LMBR1: variants seen among roughly 807,000 people sequenced by gnomAD.
The protein encoded by LMBR1 is limb region 1 protein homolog.
LMBR1 carries 52 observed loss-of-function variants against 73.9 expected under a neutral mutation model. The observed-to-expected ratio is 0.70, with a 90% CI of 0.56 to 0.89. The LOEUF (loss-of-function observed/expected upper bound fraction) is 0.89, where lower values mean the gene tolerates loss of function less well. LMBR1 is among the 40% of genes least tolerant of loss of function. The probability of loss-of-function intolerance (pLI) is 0.00; values close to 1 mark genes in which losing one functional copy is unlikely to be tolerated. For missense variants in LMBR1, 539 were observed against 579.8 expected, an observed-to-expected ratio of 0.93 and a Z score of 0.72; for synonymous variants, 215 against 209.4, an observed-to-expected ratio of 1.03 and a Z score of -0.23.
At position 156,680,136 on chromosome 7, in the gene LMBR1, A is replaced by T. The variant is rs1230311125; in HGVS notation, c.*3942T>A. 1 of 148,812 alleles carries T rather than the reference A, an allele frequency of 6.7e-6. No homozygotes were observed. Among genetic ancestry groups the T allele is most frequent in the Non-Finnish European group, 1.5e-5 (1 of 67,630 alleles). 9.2% of individuals were successfully genotyped at this position (148,812 alleles called of 1,614,324 possible). A position where few individuals can be genotyped will look rare whatever the true frequency, so the allele number is the denominator to read the frequency against. ...TGCAGCAATAATTTTTACCTAAACA[A>T]TATTCAAAAACCAAAAAAAAAAAAA... On this transcript the variant is annotated 3_prime_UTR_variant, in exon 17 of 17. Coordinates refer to ENST00000353442, the MANE Select transcript of LMBR1 (RefSeq NM_022458.4).
chr7:156,822,521 T>C (rs2133771916), intron 4 of LMBR1: 1 of 152,172 alleles, frequency 6.6e-6, no homozygotes, highest in South Asian at 2.1e-4. Context: ...AAAAAATCAG[T>C]ACAGAAAAGA....
intron 5 of LMBR1, among the ~76,000 whole-genome samples, chr7:156,764,555 A>G (rs958373265): frequency 6.6e-5 from 10 of 152,228 alleles, no homozygotes; most frequent in African/African-American, 2.2e-4. Context: ...ATCTGCACCT[A>G]TAAGTTAAAG....
At chr7:156,746,667 T>C (rs1389183179) in intron 9 of LMBR1, among the ~76,000 whole-genome samples, 1 of 152,156 alleles carries the variant, frequency 6.6e-6, no homozygotes, top group Non-Finnish European at 1.5e-5. Context: ...TCATCTGAGA[T>C]GACACATTAT....
chr7:156,788,840 G>C (rs1828651997), intron 5 of LMBR1, among the ~76,000 whole-genome samples: 1 of 152,142 alleles, frequency 6.6e-6, no homozygotes, highest in Non-Finnish European at 1.5e-5. Flanking sequence ...CTGAGGTCAG[G>C]AGTTCAAGGG....
rs1202292674 is a variant in LMBR1 at position 156,893,170 on chromosome 7, G to A, written c.-177C>T. ...GGCCGTCGCCTCAGCAGCCTCAGAC[G>A]AGCAGCTCTGACTAAGGGAGGGCGG... On this transcript the variant is annotated 5_prime_UTR_variant, in exon 1 of 17. Transcript: ENST00000353442. 6 of 490,112 alleles carry A rather than the reference G, an allele frequency of 1.2e-5. No individual in the cohort carries two copies. The highest frequency in any genetic ancestry group is 4.0e-5 in the East Asian group (1 of 24,750). 30.4% of individuals were successfully genotyped at this position (490,112 alleles called of 1,614,324 possible). A position where few individuals can be genotyped will look rare whatever the true frequency, so the allele number is the denominator to read the frequency against.
chr7:156,812,875 G>A (rs548788712), intron 4 of LMBR1, among the ~76,000 whole-genome samples: 1 of 152,218 alleles, frequency 6.6e-6, no homozygotes, highest in Non-Finnish European at 1.5e-5. Flanking sequence ...CCAGAACACT[G>A]CTCAGCTCCA....
At chr7:156,712,650 G>C (rs562352248) in intron 15 of LMBR1, among the ~76,000 whole-genome samples, 77 of 152,136 alleles carry the variant, frequency 5.1e-4, no homozygotes, top group Non-Finnish European at 9.4e-4. Context: ...AAGAAAATGT[G>C]GTATAAAAAC....
chr7:156,786,851 A>G (rs1161281130), intron 5 of LMBR1, among the ~76,000 whole-genome samples: 1 of 152,180 alleles, frequency 6.6e-6, no homozygotes, highest in Non-Finnish European at 1.5e-5. Context: ...ACTTTCTAAA[A>G]CCAGCCTTAA....
chr7:156,733,708 A>G (rs1467040593), intron 10 of LMBR1, among the ~76,000 whole-genome samples: 1 of 152,182 alleles, frequency 6.6e-6, no homozygotes, highest in Non-Finnish European at 1.5e-5. Flanking sequence ...AGGGGAAAAG[A>G]AAAAATATTT....
intron 5 of LMBR1, among the ~76,000 whole-genome samples, chr7:156,764,689 AAT>A (rs1311481720): frequency 2.0e-5 from 3 of 152,242 alleles, no homozygotes; most frequent in Non-Finnish European, 2.9e-5. Context: ...TTAACATAAA[AAT>A]ATGAGTTATA....
chr7:156,840,474 TCAAA>T (rs1563502807), intron 1 of LMBR1, among the ~76,000 whole-genome samples: 1 of 151,810 alleles, frequency 6.6e-6, no homozygotes, highest in Admixed American at 6.6e-5. Context: ...TCTGGTGTGC[TCAAA>T]CAATGAGTGG....
intron 1 of LMBR1, among the ~76,000 whole-genome samples, chr7:156,871,518 G>A (rs1280078375): frequency 6.6e-6 from 1 of 152,150 alleles, no homozygotes; most frequent in Non-Finnish European, 1.5e-5. Flanking sequence ...CAATATCCCT[G>A]AAGAATACAG....
At chr7:156,829,066 G>T (rs1836199749) in intron 3 of LMBR1, among the ~76,000 whole-genome samples, 1 of 152,124 alleles carries the variant, frequency 6.6e-6, no homozygotes, top group South Asian at 2.1e-4. Flanking sequence ...TAGCCAACTG[G>T]GATTAGATTG....
intron 9 of LMBR1, among the ~76,000 whole-genome samples, chr7:156,745,850 C>T (rs1300680425): frequency 6.6e-6 from 1 of 152,120 alleles, no homozygotes; most frequent in Non-Finnish European, 1.5e-5. Flanking sequence ...TCCACTGAAA[C>T]GTTTTATAGT....
Position 156,683,038 on chromosome 7 carries a change from C to T in LMBR1, c.*1040G>A, listed in dbSNP as rs571992855. 1.3e-5 allele frequency: 2 copies of T among 152,326 alleles called. No homozygotes were observed. Among genetic ancestry groups the T allele is most frequent in the African/African-American group, 4.8e-5 (2 of 41,564 alleles). 9.4% of individuals were successfully genotyped at this position (152,326 alleles called of 1,614,324 possible). On this transcript the variant is annotated 3_prime_UTR_variant, in exon 17 of 17. Coordinates refer to ENST00000353442, the MANE Select transcript of LMBR1 (RefSeq NM_022458.4). ...TGAATGATTATCAGATCGTGTTATA[C>T]TGCAAAACTGTTCTTACACCATGAA...
chr7:156,725,881 T>A, intron 12 of LMBR1, 44 bp from the exon 13 acceptor site: 4 of 1,455,732 alleles, frequency 2.7e-6, no homozygotes, highest in Non-Finnish European at 3.8e-6. Flanking sequence ...ATGACACCAT[T>A]ATATTGGTTT....
At chr7:156,880,634 C>G (rs1026853522) in intron 1 of LMBR1, among the ~76,000 whole-genome samples, 1 of 151,910 alleles carries the variant, frequency 6.6e-6, no homozygotes, top group African/African-American at 2.4e-5. Context: ...AGACTCAATG[C>G]AATCCCTATC....
At chr7:156,780,188 G>C (rs1294935345) in intron 5 of LMBR1, among the ~76,000 whole-genome samples, 1 of 152,134 alleles carries the variant, frequency 6.6e-6, no homozygotes, top group Admixed American at 6.5e-5. Flanking sequence ...ATGCTATGCA[G>C]TCTATTTTAT....
chr7:156,711,073 G>A (rs1328650054), intron 15 of LMBR1, among the ~76,000 whole-genome samples: 1 of 152,154 alleles, frequency 6.6e-6, no homozygotes, highest in Non-Finnish European at 1.5e-5. Flanking sequence ...CAATTTGGGA[G>A]GCCAAGGTGG....
Sources: gnomAD v4.1 joint callset for allele counts (sites outside exome capture counted in the v4.1 genomes callset) on GRCh38, gnomAD v4.1.1 for gene constraint, MANE v1.5 for transcripts, NCBI Gene and HGNC (gene_info 2026-07-23, HGNC 2026-07-21) for gene names.